RCAN2: variants seen among roughly 807,000 people sequenced by gnomAD.
The protein encoded by RCAN2 is regulator of calcineurin 2, also known as calcipressin-2.
A neutral mutation model predicts 23.6 loss-of-function variants in RCAN2; 9 were observed. The observed-to-expected ratio is 0.38, with a 90% CI of 0.23 to 0.67. The LOEUF is 0.67. Ranked by LOEUF, RCAN2 falls within the 30% of genes least tolerant of loss-of-function variation. The pLI, the probability that RCAN2 is intolerant of heterozygous loss-of-function variation, is 0.51. For synonymous variants in RCAN2, 109 were observed against 115.7 expected (o/e 0.94, Z 0.37); for missense variants, 273 against 302.3 (o/e 0.90, Z 0.72).
At chr6:46,241,437 C>T (rs553609758) in intron 4 of RCAN2, among the ~76,000 whole-genome samples, 1 of 152,198 alleles carries the variant, frequency 6.6e-6, no homozygotes, top group East Asian at 1.9e-4. Flanking sequence ...AATAACTGCC[C>T]CTTAAACAGA....
rs372607832 is a variant in RCAN2 at position 46,474,350 on chromosome 6, AG to A, written c.-3+16822del. ...CTGACACATGAGGCGGTGGGGAGGC[AG>A]GGGGAAGCCATATTGTCATGTACCT... On this transcript the variant is annotated intron_variant, in intron 1 of 4. Transcript: ENST00000371374. 6.8e-3 allele frequency among the ~76,000 whole-genome samples: 1,028 copies of A among 152,284 alleles called. 14 individuals carry two copies. Among genetic ancestry groups the A allele is most frequent in the African/African-American group, 0.022 (927 of 41,540 alleles).
chr6:46,364,025 G>A (rs930970672), intron 2 of RCAN2, among the ~76,000 whole-genome samples: 1 of 152,024 alleles, frequency 6.6e-6, no homozygotes, highest in East Asian at 1.9e-4. Context: ...ATCTTAAATC[G>A]CTCAAAGACG....
intron 2 of RCAN2, among the ~76,000 whole-genome samples, chr6:46,439,233 A>G (rs1767458945): frequency 6.6e-6 from 1 of 152,200 alleles, no homozygotes; most frequent in South Asian, 2.1e-4. Context: ...CACAATTTAA[A>G]AATGTACCTG....
chr6:46,412,160 G>T (rs899430964), intron 2 of RCAN2, among the ~76,000 whole-genome samples: 5 of 152,070 alleles, frequency 3.3e-5, no homozygotes, highest in Non-Finnish European at 7.4e-5. Flanking sequence ...CCTGGGACTT[G>T]TATATGGATT....
chr6:46,337,466 T>A (rs1764178796), intron 2 of RCAN2, among the ~76,000 whole-genome samples: 2 of 152,262 alleles, frequency 1.3e-5, no homozygotes, highest in African/African-American at 2.4e-5. Flanking sequence ...AAGTATTTGA[T>A]AAGCCTTACT....
intron 2 of RCAN2, among the ~76,000 whole-genome samples, chr6:46,433,752 C>T (rs1375252031): frequency 6.6e-6 from 1 of 152,186 alleles, no homozygotes; most frequent in African/African-American, 2.4e-5. Flanking sequence ...TAAGATAATA[C>T]ATTTGCATTG....
At position 46,343,551 on chromosome 6, in the gene RCAN2, A is replaced by G; in HGVS notation, c.226-94655T>C. Among the ~76,000 whole-genome samples the G allele has an allele frequency of 1.3e-5, 2 of 151,710 alleles. 1 individual carries two copies. ...TCACCACGCCCAGCTAATTTTTTGT[A>G]TTTTTAGTAGAGACGGGGTTTCACT... On this transcript the variant is annotated intron_variant, in intron 2 of 4. Transcript: ENST00000371374.
At chr6:46,422,665 A>G (rs763872957) in intron 2 of RCAN2, among the ~76,000 whole-genome samples, 22 of 152,222 alleles carry the variant, frequency 1.4e-4, no homozygotes, top group Non-Finnish European at 2.8e-4. Flanking sequence ...AAGAACAAAA[A>G]TAAGAGTAAT....
At chr6:46,484,306 C>A (rs1768939789) in intron 1 of RCAN2, among the ~76,000 whole-genome samples, 1 of 152,082 alleles carries the variant, frequency 6.6e-6, no homozygotes, top group Admixed American at 6.6e-5. Flanking sequence ...AAAATGACCA[C>A]TTAAGTGATT....
chr6:46,490,556 C>T (rs888266170), intron 1 of RCAN2, among the ~76,000 whole-genome samples: 2 of 152,136 alleles, frequency 1.3e-5, no homozygotes, highest in Non-Finnish European at 2.9e-5. Context: ...ACTTCTGGAG[C>T]GAAGCATCCC....
At chr6:46,286,999 C>CT (rs1325672084) in intron 2 of RCAN2, among the ~76,000 whole-genome samples, 16 of 150,932 alleles carry the variant, frequency 1.1e-4, no homozygotes, top group African/African-American at 3.4e-4. Flanking sequence ...GAGTGAAACT[C>CT]TATCTCAAAA....
chr6:46,236,717 G>A (rs1251523837), intron 4 of RCAN2, among the ~76,000 whole-genome samples: 1 of 152,150 alleles, frequency 6.6e-6, no homozygotes, highest in African/African-American at 2.4e-5. Flanking sequence ...TTTAACTTGT[G>A]TAAGTTTTAG....
intron 2 of RCAN2, among the ~76,000 whole-genome samples, chr6:46,372,824 GGTT>G (rs1395511597): frequency 1.3e-5 from 2 of 152,076 alleles, no homozygotes; most frequent in Non-Finnish European, 2.9e-5. Context: ...CAGAAGTCTG[GGTT>G]GTAAAATAAG....
intron 2 of RCAN2, among the ~76,000 whole-genome samples, chr6:46,282,956 G>A (rs1762250427): frequency 6.6e-6 from 1 of 152,146 alleles, no homozygotes; most frequent in Admixed American, 6.5e-5. Flanking sequence ...CCAGAAGTAA[G>A]AAATCTTAAG....
At chr6:46,327,219 T>G (rs1763820992) in intron 2 of RCAN2, among the ~76,000 whole-genome samples, 1 of 152,046 alleles carries the variant, frequency 6.6e-6, no homozygotes, top group Non-Finnish European at 1.5e-5. Flanking sequence ...GTATAGGAAG[T>G]GTTCAGTGGG....
At chr6:46,470,072 C>A (rs946529837) in intron 1 of RCAN2, among the ~76,000 whole-genome samples, 6 of 152,186 alleles carry the variant, frequency 3.9e-5, no homozygotes, top group Admixed American at 1.3e-4. Flanking sequence ...TTTTAAATTG[C>A]CTCAGATATT....
rs1491298787 is a variant in RCAN2 at position 46,354,892 on chromosome 6, T to TAC, written c.225+101859_225+101860insGT. Among the ~76,000 whole-genome samples, 8 of 134,018 alleles carry TAC rather than the reference T, an allele frequency of 6.0e-5. No individual in the cohort carries two copies. The East Asian group carries it at 1.3e-3, about 22-fold the overall frequency. 87.9% of individuals were successfully genotyped at this position (134,018 alleles called of 152,430 possible). ...TGCAGAGACTTCTCAGGAAAAAGATTATATATGTGTGTGTGTGTGTGTGTG... is the reference window on the plus strand; with the variant it reads ...TGCAGAGACTTCTCAGGAAAAAGATTACATATATGTGTGTGTGTGTGTGTGTG... On this transcript the variant is annotated intron_variant, in intron 2 of 4. Coordinates refer to ENST00000371374, the MANE Select transcript of RCAN2 (RefSeq NM_001251974.2).
chr6:46,471,279 C>A (rs1387556835), intron 1 of RCAN2, among the ~76,000 whole-genome samples: 4 of 152,142 alleles, frequency 2.6e-5, no homozygotes, highest in Admixed American at 2.0e-4. Flanking sequence ...TGGCTGTTAT[C>A]TGGAGAATAG....
intron 2 of RCAN2, among the ~76,000 whole-genome samples, chr6:46,451,087 A>G (rs889450283): frequency 6.6e-6 from 1 of 152,132 alleles, no homozygotes; most frequent in African/African-American, 2.4e-5. Context: ...AAATTAAGAA[A>G]ATAGACATGA....
Sources: gnomAD v4.1 joint callset for allele counts (sites outside exome capture counted in the v4.1 genomes callset) on GRCh38, gnomAD v4.1.1 for gene constraint, MANE v1.5 for transcripts, NCBI Gene and HGNC (gene_info 2026-07-23, HGNC 2026-07-21) for gene names.